RORA: variants seen among roughly 807,000 people sequenced by gnomAD.
RORA encodes RAR related orphan receptor A.
Under a neutral mutation model 69.5 loss-of-function variants are expected in RORA, and 7 were observed. The ratio of observed to expected loss-of-function variants is 0.10; its 90% confidence interval spans 0.06 to 0.19. RORA has a LOEUF of 0.19. Ranked by LOEUF, RORA falls within the 10% of genes least tolerant of loss-of-function variation. RORA has a pLI of 1.00. For missense variants in RORA, 457 were observed against 663.0 expected, an observed-to-expected ratio of 0.69 and a Z score of 3.41; for synonymous variants, 261 against 240.8, an observed-to-expected ratio of 1.08 and a Z score of -0.78.
At chr15:61,089,203 T>G (rs1330188370) in intron 1 of RORA, among the ~76,000 whole-genome samples, 1 of 152,188 alleles carries the variant, frequency 6.6e-6, no homozygotes, top group Non-Finnish European at 1.5e-5. Flanking sequence ...TTTTCCAGTT[T>G]CTCTTAGAGA....
intron 1 of RORA, among the ~76,000 whole-genome samples, chr15:60,701,579 G>A (rs761813371): frequency 1.4e-4 from 21 of 152,142 alleles, no homozygotes; most frequent in Non-Finnish European, 2.6e-4. Context: ...ATCACTCACC[G>A]CAATATTTAT....
chr15:60,789,308 G>A (rs341456), intron 1 of RORA, among the ~76,000 whole-genome samples: 133,911 of 152,236 alleles, frequency 0.88, 60,506 homozygotes, highest in East Asian at 0.99. Context: ...CCAGCCCGAA[G>A]GAAAATGCCC....
rs1190887510 is a variant in RORA, at chr15:60,838,848, AC to A, written c.167-160163del. 4.4e-3 allele frequency among the ~76,000 whole-genome samples: 72 copies of A among 16,408 alleles called. No homozygotes were observed. The East Asian group carries it at 0.22, about 51-fold the overall frequency. 10.8% of individuals were successfully genotyped at this position (16,408 alleles called of 152,430 possible). ...ATCCTTCAAAACATTCATTCAACAC[AC>A]ACACACACACACACACACACACACA... On this transcript the variant is annotated intron_variant, in intron 1 of 10. Coordinates refer to ENST00000335670, the MANE Select transcript of RORA (RefSeq NM_134261.3).
At chr15:60,597,597 C>A (rs7173659) in intron 2 of RORA, among the ~76,000 whole-genome samples, 5 of 31,360 alleles carry the variant, frequency 1.6e-4, no homozygotes, top group South Asian at 1.3e-3. Context: ...TATATATACA[C>A]ATATATATAT....
intron 2 of RORA, among the ~76,000 whole-genome samples, chr15:60,596,096 C>T (rs534980091): frequency 3.9e-5 from 6 of 152,234 alleles, no homozygotes; most frequent in Admixed American, 1.3e-4. Flanking sequence ...ACTTTATGAG[C>T]GTATATTTTG....
chr15:60,490,708 T>C lies in RORA; in HGVS notation c.*6747A>G, dbSNP rs1049496475. The C allele has an allele frequency of 6.6e-6, 1 of 152,190 alleles. No individual in the cohort carries two copies. The highest frequency in any genetic ancestry group is 2.4e-5 in the African/African-American group (1 of 41,456). The allele number at this position is 152,190 out of a possible 1,614,324, so 9.4% of individuals were successfully genotyped here. ...AGTCTATGCACAAAAGTCATTTGTT[T>C]TATTGCTTGACATTCAGTTATGGCT... On this transcript the variant is annotated 3_prime_UTR_variant, in exon 11 of 11. Transcript: ENST00000335670. This position sits in a 1 kb window ranked among gnomAD's most constrained non-coding sequence, Gnocchi z 4.1.
intron 1 of RORA, among the ~76,000 whole-genome samples, chr15:61,056,545 C>T (rs929631743): frequency 2.0e-5 from 3 of 152,156 alleles, no homozygotes; most frequent in African/African-American, 7.2e-5. Context: ...ATTGGATCAA[C>T]CATGATGTGA....
chr15:60,711,766 C>T (rs886757143), intron 1 of RORA, among the ~76,000 whole-genome samples: 4 of 152,158 alleles, frequency 2.6e-5, no homozygotes, highest in East Asian at 1.9e-4. Context: ...ATGATTTAAC[C>T]TTTGATTGGA....
intron 1 of RORA, among the ~76,000 whole-genome samples, chr15:61,004,411 C>T (rs1335142866): frequency 1.3e-5 from 2 of 149,652 alleles, no homozygotes; most frequent in Non-Finnish European, 3.0e-5. Context: ...AATAAGCCTG[C>T]GACCTTTTGC....
chr15:61,149,060 T>C (rs1292456466), intron 1 of RORA, among the ~76,000 whole-genome samples: 1 of 152,154 alleles, frequency 6.6e-6, no homozygotes, highest in Non-Finnish European at 1.5e-5. Flanking sequence ...CATTCCAGGA[T>C]TCCAAATGCT....
At chr15:60,828,859 C>T (rs764480735) in intron 1 of RORA, among the ~76,000 whole-genome samples, 2 of 152,174 alleles carry the variant, frequency 1.3e-5, no homozygotes, top group Non-Finnish European at 2.9e-5. Context: ...TGTAAAGGTG[C>T]AGAATTCATT....
At chr15:60,939,290 A>G (rs904664833) in intron 1 of RORA, among the ~76,000 whole-genome samples, 1 of 152,128 alleles carries the variant, frequency 6.6e-6, no homozygotes, top group African/African-American at 2.4e-5. Context: ...CCTGCCTCTC[A>G]GGTCTGAGAG....
At chr15:60,766,423 T>C (rs1246348640) in intron 1 of RORA, among the ~76,000 whole-genome samples, 2 of 152,170 alleles carry the variant, frequency 1.3e-5, no homozygotes, top group Non-Finnish European at 2.9e-5. Flanking sequence ...GCAGAAGTGT[T>C]TGAAATGCCT....
chr15:60,593,140 G>A (rs2068588627), intron 2 of RORA: 3 of 304,550 alleles, frequency 9.9e-6, no homozygotes, highest in Admixed American at 4.9e-5. Context: ...CGGCCTGGGC[G>A]GGGGAACTCC....
intron 1 of RORA, among the ~76,000 whole-genome samples, chr15:60,840,254 G>C (rs1308986949): frequency 6.6e-6 from 1 of 152,220 alleles, no homozygotes; most frequent in Non-Finnish European, 1.5e-5. Context: ...CTCATCAGAG[G>C]GAAAGGAAGG....
rs200401959 is a variant in RORA at position 60,543,170 on chromosome 15, CTTTTTTTTTTTT to C, written c.197-11331_197-11320del. 2.0e-3 allele frequency among the ~76,000 whole-genome samples: 249 copies of C among 125,350 alleles called. 7 individuals are homozygous for C. Among genetic ancestry groups the C allele is most frequent in the African/African-American group, 6.7e-3 (166 of 24,874 alleles). The allele number at this position is 125,350 out of a possible 152,430, so 82.2% of individuals were successfully genotyped here. ...TAGGAATTAAGGATGAAAGTGAAAA[CTTTTTTTTTTTT>C]TTTTTTTTTTTTTTTTTTTTTTTTT... On this transcript the variant is annotated intron_variant, in intron 2 of 10. Coordinates refer to ENST00000335670, the MANE Select transcript of RORA (RefSeq NM_134261.3).
At chr15:60,843,297 G>A (rs1311805137) in intron 1 of RORA, among the ~76,000 whole-genome samples, 1 of 152,154 alleles carries the variant, frequency 6.6e-6, no homozygotes, top group African/African-American at 2.4e-5. Flanking sequence ...AAGAGTCAAG[G>A]CAGAATCAGA....
At chr15:61,086,689 T>G (rs1270103788) in intron 1 of RORA, among the ~76,000 whole-genome samples, 1 of 149,860 alleles carries the variant, frequency 6.7e-6, no homozygotes, top group African/African-American at 2.5e-5. Context: ...CTAAAAAAGT[T>G]TTTTTTTTTT....
rs74947847 is a variant in RORA at position 61,069,744 on chromosome 15, A to G, written c.166+159309T>C. On this transcript the variant is annotated intron_variant, in intron 1 of 10. Transcript: ENST00000335670. ...GAAAAAAAAAAGGAAAGAAAAAAGAAAAGAAAAGAAAAGAAAATCTCCTCT... is the reference window on the plus strand; with the variant it reads ...GAAAAAAAAAAGGAAAGAAAAAAGAGAAGAAAAGAAAAGAAAATCTCCTCT... Among the ~76,000 whole-genome samples, 8 of 152,272 alleles carry G rather than the reference A, an allele frequency of 5.3e-5. No individual in the cohort carries two copies. In the East Asian group the frequency reaches 1.5e-3, roughly 29 times the overall value.
Sources: allele counts gnomAD v4.1 joint callset (sites outside exome capture counted in the v4.1 genomes callset), GRCh38; gene constraint gnomAD v4.1.1; non-coding constraint Gnocchi (gnomAD v3.1); transcripts MANE v1.5; gene names NCBI Gene and HGNC (gene_info 2026-07-23, HGNC 2026-07-21).